PHKA2: variants seen among roughly 807,000 people sequenced by gnomAD.
PHKA2 encodes phosphorylase kinase regulatory subunit alpha 2, also known as phosphorylase b kinase regulatory subunit alpha, liver isoform.
In PHKA2, 31 loss-of-function variants were observed where a neutral mutation model predicts 102.0. The ratio of observed to expected loss-of-function variants is 0.30; its 90% CI spans 0.23 to 0.41. The LOEUF (loss-of-function observed/expected upper bound fraction) is 0.41. Among genes scored for constraint, PHKA2 ranks in the 10% least tolerant of loss-of-function variants. The pLI is 1.00. For synonymous variants in PHKA2, 455 were observed against 416.2 expected (o/e 1.09, Z -1.13); for missense variants, 858 against 1,023.1 (o/e 0.84, Z 2.20).
intron 1 of PHKA2, 28 bp from the exon 2 acceptor site, chrX:18,954,440 C>G (rs776489444): frequency 6.7e-6 from 8 of 1,194,966 alleles, no homozygotes; most frequent in Non-Finnish European, 7.9e-6. Context: ...CAAAATGGCT[C>G]AGTGCCATCC....
chrX:18,902,088 A>G (rs1299404687), intron 26 of PHKA2, among the ~76,000 whole-genome samples: 2 of 110,642 alleles, frequency 1.8e-5, no homozygotes, highest in Admixed American at 9.5e-5. Context: ...TGATCCGCCC[A>G]CCTTGACCTC....
chrX:18,977,820 G>A (rs759596665), intron 1 of PHKA2, among the ~76,000 whole-genome samples: 1 of 111,608 alleles, frequency 9.0e-6, no homozygotes, highest in Non-Finnish European at 1.9e-5. Flanking sequence ...TTTAGGTTTT[G>A]TCTCTTACAA....
intron 5 of PHKA2, among the ~76,000 whole-genome samples, chrX:18,946,273 C>A (rs1450038394): frequency 9.0e-6 from 1 of 110,982 alleles, no homozygotes; most frequent in African/African-American, 3.3e-5. Context: ...CATCCTAGAG[C>A]AACTTCCCTG....
rs560337801 is a variant in PHKA2 at position 18,931,894 on chromosome X, G to T, written c.1138-146C>A. On this transcript the variant is annotated intron_variant, in intron 11 of 32. Transcript: ENST00000379942. ...CAGGTGCCAGGAGGCTGGGGAGCAA[G>T]CCCCTTCCTCGGGGCTGCAAGGCTA... 9.3e-6 allele frequency: 5 copies of T among 535,383 alleles called. 1 individual carries two copies. The highest frequency in any genetic ancestry group is 7.2e-5 in the South Asian group (3 of 41,397). 44.1% of individuals were successfully genotyped at this position (535,383 alleles called of 1,213,427 possible).
chrX:18,895,471 T>C (rs1335284028), intron 30 of PHKA2: 1 of 366,134 alleles, frequency 2.7e-6, no homozygotes, highest in African/African-American at 2.6e-5. Context: ...AGGCTCCGCA[T>C]TGTACTTGGC....
chrX:18,956,140 A>G (rs1288315863), intron 1 of PHKA2, among the ~76,000 whole-genome samples: 3 of 111,625 alleles, frequency 2.7e-5, no homozygotes, highest in Non-Finnish European at 5.6e-5. Context: ...CCTGGCCAAC[A>G]TGGTGAAACC....
At chrX:18,983,393 G>A (rs188111746) in intron 1 of PHKA2, among the ~76,000 whole-genome samples, 36 of 112,335 alleles carry the variant, frequency 3.2e-4, no homozygotes, top group Admixed American at 7.5e-4. Context: ...TAGCCCCTAA[G>A]GGCTTCCCAG....
intron 26 of PHKA2, 114 bp from the exon 27 acceptor site, chrX:18,901,717 C>T (rs148728005): frequency 3.8e-4 from 206 of 548,471 alleles, no homozygotes; most frequent in African/African-American, 2.9e-3. Context: ...GCCTGGCCAG[C>T]GCTGTGTCTC....
chrX:18,907,007 T>G lies in PHKA2; in HGVS notation c.2597+11A>C, dbSNP rs765266185. On this transcript the variant is annotated intron_variant, in intron 23 of 32. Transcript: ENST00000379942. Reference sequence around the variant, plus strand: ...CCCGCAAACCTGAGGTCCCCAAGGCTGAGGACTTACGCAGAGATGATCTTC... The same window carrying G: ...CCCGCAAACCTGAGGTCCCCAAGGCGGAGGACTTACGCAGAGATGATCTTC... 8.4e-7 allele frequency: 1 copy of G among 1,186,506 alleles called. No individual in the cohort carries two copies. Among genetic ancestry groups the G allele is most frequent in the Non-Finnish European group, 1.1e-6 (1 of 879,707 alleles).
At chrX:18,919,984 G>A in intron 18 of PHKA2, 48 bp downstream of exon 18, 1 of 1,022,813 alleles carries the variant, frequency 9.8e-7, no homozygotes, top group Non-Finnish European at 1.4e-6. Context: ...CAATGCTAAA[G>A]TTTAAATAAA....
rs1286881337 is a variant in PHKA2 at position 18,893,508 on chromosome X, T to C, written c.3685A>G (p.Asn1229Asp). 1 of 1,211,578 alleles carries C rather than the reference T, an allele frequency of 8.3e-7. No homozygotes were observed. The change falls in exon 33 of 33, where the codon AAT becomes GAT. Residue 1229 changes from asparagine to aspartate, a missense_variant. Asn to Asp is a conservative substitution (Grantham distance 23). This residue lies in a region of PHKA2 where 671 missense variants were observed against 745.2 expected (regional missense o/e 0.90). Coordinates refer to ENST00000379942, the MANE Select transcript of PHKA2 (RefSeq NM_000292.3). Reference protein sequence around the residue: ...VASYLQELLPNSGCQMQ With the variant: ...VASYLQELLPDSGCQMQ ...CCCTATTGCATCTGGCAGCCCGAAT[T>C]GGGCAACAATTCCTGCAAATAAGAA...
intron 5 of PHKA2, among the ~76,000 whole-genome samples, chrX:18,948,333 G>T (rs1472671926): frequency 9.0e-6 from 1 of 110,502 alleles, no homozygotes; most frequent in Non-Finnish European, 1.9e-5. Context: ...CATTAGCGGG[G>T]AGTGGTGGCA....
At chrX:18,953,967 CAG>C (rs1400345907) in intron 2 of PHKA2, among the ~76,000 whole-genome samples, 1 of 110,482 alleles carries the variant, frequency 9.1e-6, no homozygotes, top group Non-Finnish European at 1.9e-5. Flanking sequence ...GCCTGGGTGA[CAG>C]AGTGAGACTC....
rs1039912602 is a variant in PHKA2, at chrX:18,940,012, A to G, written c.901T>C (p.Tyr301His). The change falls in exon 9 of 33, where the codon TAT becomes CAT. Residue 301 changes from tyrosine (Y) to histidine (H), a missense_variant. Around this residue, in one of 2 missense-constraint regions of PHKA2, gnomAD observed 187 missense variants for 277.9 expected, o/e 0.67. Transcript: ENST00000379942. ...AATACAACCTCTCTTGGAGTTTTAT[A>G]ACCATCTCGAAGGAAGCGACAGCAT... is the stretch of plus-strand genomic sequence containing the variant. ...YGCCRFLRDG[Y>H]KTPREDPNRL... is the part of the protein sequence containing the mutation. The G allele has an allele frequency of 1.0e-5, 12 of 1,183,393 alleles. No homozygotes were observed. The highest frequency in any genetic ancestry group is 1.4e-5 in the Non-Finnish European group (12 of 869,544).
rs192920260 is a variant in PHKA2 at position 18,942,425 on chromosome X, T to C, written c.718-750A>G. ...ATATGAAGAAGGACTTAGGGTACCATGTCCAATTCACACCTGAGGACCCTG... is the reference window on the plus strand; with the variant it reads ...ATATGAAGAAGGACTTAGGGTACCACGTCCAATTCACACCTGAGGACCCTG... On this transcript the variant is annotated intron_variant, in intron 7 of 32. Coordinates refer to ENST00000379942, the MANE Select transcript of PHKA2 (RefSeq NM_000292.3). Among the ~76,000 whole-genome samples, 13 of 111,945 alleles carry C rather than the reference T, an allele frequency of 1.2e-4. No homozygotes were observed. In the East Asian group the frequency reaches 3.7e-3, roughly 31 times the overall value.
At chrX:18,980,832 T>G (rs1291100942) in intron 1 of PHKA2, among the ~76,000 whole-genome samples, 2 of 111,910 alleles carry the variant, frequency 1.8e-5, no homozygotes, top group African/African-American at 6.5e-5. Context: ...CCCACAGGTG[T>G]GGAGGGGCAG....
In PHKA2 at chrX:18,954,245, C is replaced by G; in HGVS notation, c.237+9G>C. 11 of 1,210,572 alleles carry G rather than the reference C, an allele frequency of 9.1e-6. No homozygotes were observed. The highest frequency in any genetic ancestry group is 1.2e-5 in the Non-Finnish European group (11 of 894,243). ...GAGCAGCCGAGATACAGCTGTCAGT[C>G]ACTATTACCTGCTCCAGCTCGTAGG... is the stretch of plus-strand genomic sequence containing the variant. On this transcript the variant is annotated intron_variant, in intron 2 of 32. Transcript: ENST00000379942.
intron 29 of PHKA2, 80 bp downstream of exon 29, chrX:18,899,093 A>G (rs1309618415): frequency 1.2e-6 from 1 of 836,293 alleles, no homozygotes; most frequent in East Asian, 3.1e-5. Context: ...GAATCCTCAG[A>G]AGTTGGGCAT....
At position 18,893,503 on chromosome X, in the gene PHKA2, C is replaced by G. The variant is rs369001472; in HGVS notation, c.3690G>C (p.Ser1230=). 11 of 1,209,519 alleles carry G rather than the reference C, an allele frequency of 9.1e-6. No homozygotes were observed. In the Admixed American group the frequency reaches 1.1e-4, roughly 12 times the overall value. Residue 1230 remains serine, a synonymous_variant, in exon 33 of 33, where the codon TCG becomes TCC. Coordinates refer to ENST00000379942, the MANE Select transcript of PHKA2 (RefSeq NM_000292.3). ...TGAGACCCTATTGCATCTGGCAGCC[C>G]GAATTGGGCAACAATTCCTGCAAAT... ...ASYLQELLPN[S]GCQMQ
Sources: allele counts gnomAD v4.1 joint callset (sites outside exome capture counted in the v4.1 genomes callset), GRCh38; gene constraint gnomAD v4.1.1; regional missense constraint gnomAD v4.1.1; transcripts MANE v1.5; gene names NCBI Gene and HGNC (gene_info 2026-07-23, HGNC 2026-07-21).